The following ADAT3 variants were observed in gnomAD, a reference collection of about 807,000 sequenced individuals.
ADAT3 encodes adenosine deaminase tRNA specific 3, also known as tRNA-specific adenosine-34 deaminase regulatory subunit ADAT3.
ADAT3 carries 2 observed loss-of-function variants against 3.5 expected under a neutral mutation model. The observed-to-expected ratio is 0.57, with a 90% CI of 0.23 to 1.79. The LOEUF is 1.79. ADAT3 is among the 40% of genes most tolerant of loss of function. The probability of loss-of-function intolerance (pLI) is 0.18; values close to 1 mark genes in which losing one functional copy is unlikely to be tolerated. For synonymous variants in ADAT3, 358 were observed against 270.3 expected (o/e 1.32, Z -3.18); for missense variants, 735 against 571.4 (o/e 1.29, Z -2.92).
chr19:1,912,123 C>T lies in ADAT3; in HGVS notation c.76C>T (p.Gln26Ter). Residue 26 changes from glutamine (Q) to a stop codon, truncating the protein, a stop_gained, in exon 2 of 2, where the codon CAG becomes TAG. Coordinates refer to ENST00000329478, the MANE Select transcript of ADAT3 (RefSeq NM_138422.4). LOFTEE classifies it low-confidence loss of function (END_TRUNC). ...RMEPAPGLVE[Q>*]PKCLEAGSPE... ...GGAGCCCGCCCCGGGCCTCGTGGAG[C>T]AGCCCAAGTGCTTGGAGGCCGGGAG... 2 of 1,543,360 alleles carry T rather than the reference C, an allele frequency of 1.3e-6. No homozygotes were observed. The highest frequency in any genetic ancestry group is 1.2e-5 in the South Asian group (1 of 83,228).
In ADAT3 at chr19:1,908,701, C is replaced by T. The variant is rs1568760451; in HGVS notation, c.-158-3189C>T. The T allele has an allele frequency of 2.5e-6, 1 of 399,994 alleles. No individual in the cohort carries two copies. The highest frequency in any genetic ancestry group is 1.9e-5 in the South Asian group (1 of 53,410). The allele number at this position is 399,994 out of a possible 1,614,324, so 24.8% of individuals were successfully genotyped here. A position where few individuals can be genotyped will look rare whatever the true frequency, so the allele number is the denominator to read the frequency against. Reference sequence around the variant, plus strand: ...GAAAAAAGGAACAGGGTCTCTCTATCTTGCCCACGTTGGTCTCAAACTCCT... The same window carrying T: ...GAAAAAAGGAACAGGGTCTCTCTATTTTGCCCACGTTGGTCTCAAACTCCT... On this transcript the variant is annotated intron_variant, in intron 1 of 1. Transcript: ENST00000329478. The surrounding 1 kb of genome is among the most constrained non-coding windows in gnomAD (Gnocchi z 4.2).
At chr19:1,906,880 G>A in intron 1 of ADAT3, 1 of 145,092 alleles carries the variant, frequency 6.9e-6, no homozygotes, top group Non-Finnish European at 1.5e-5. Context: ...GTGTGTGTGT[G>A]TGTGTGTGTA....
chr19:1,911,084 C>T (rs2013419303), intron 1 of ADAT3, among the ~76,000 whole-genome samples: 1 of 151,994 alleles, frequency 6.6e-6, no homozygotes, highest in African/African-American at 2.4e-5. Context: ...ACCGTGTTAG[C>T]CAGGATGGTC....
Position 1,912,209 on chromosome 19 carries a change from G to A in ADAT3, c.162G>A (p.Gly54=). 1 of 1,590,992 alleles carries A rather than the reference G, an allele frequency of 6.3e-7. No individual in the cohort carries two copies. Among genetic ancestry groups the A allele is most frequent in the Non-Finnish European group, 8.5e-7 (1 of 1,172,050 alleles). The part of the protein sequence containing the change: ...ALPVLSEKQS[G]DVELVLAYAA... ...CTGTCCTGTCCGAGAAGCAGTCAGGGGACGTGGAGCTGGTGCTGGCCTACG... is the reference window on the plus strand; with the variant it reads ...CTGTCCTGTCCGAGAAGCAGTCAGGAGACGTGGAGCTGGTGCTGGCCTACG... The change falls in exon 2 of 2, where the codon GGG becomes GGA. Residue 54 remains glycine (G), a synonymous_variant. Coordinates refer to ENST00000329478, the MANE Select transcript of ADAT3 (RefSeq NM_138422.4).
In ADAT3 at chr19:1,911,951, C is replaced by G. The variant is rs2013473425; in HGVS notation, c.-97C>G. The G allele has an allele frequency of 2.2e-6, 3 of 1,389,456 alleles. No individual in the cohort carries two copies. Among genetic ancestry groups the G allele is most frequent in the Non-Finnish European group, 1.9e-6 (2 of 1,074,272 alleles). The allele number at this position is 1,389,456 out of a possible 1,614,324, so 86.1% of individuals were successfully genotyped here. ...GGTGACCTGGGCCGGAGCCCTCGGACTAGCCTCAGCTTTGGTGGCAGCACG... is the reference window on the plus strand; with the variant it reads ...GGTGACCTGGGCCGGAGCCCTCGGAGTAGCCTCAGCTTTGGTGGCAGCACG... On this transcript the variant is annotated 5_prime_UTR_variant, in exon 2 of 2. Coordinates refer to ENST00000329478, the MANE Select transcript of ADAT3 (RefSeq NM_138422.4).
rs2013046661 is a variant in ADAT3 at position 1,905,424 on chromosome 19, C to G, written c.-174C>G. ...AAGACTTGGCGAAGCGCTGCGCTCG[C>G]GCCCGGATCCCTCAGGTAAGCGCGC... On this transcript the variant is annotated 5_prime_UTR_variant, in exon 1 of 2. Transcript: ENST00000329478. The G allele has an allele frequency of 2.2e-6, 1 of 463,230 alleles. No homozygotes were observed. The highest frequency in any genetic ancestry group is 2.0e-5 in the African/African-American group (1 of 49,154). The allele number at this position is 463,230 out of a possible 1,614,324, so 28.7% of individuals were successfully genotyped here. A position where few individuals can be genotyped will look rare whatever the true frequency, so the allele number is the denominator to read the frequency against.
In ADAT3 at chr19:1,912,859, C is replaced by T; in HGVS notation, c.812C>T (p.Ala271Val). The T allele has an allele frequency of 1.3e-6, 2 of 1,598,774 alleles. No individual in the cohort carries two copies. The highest frequency in any genetic ancestry group is 1.7e-6 in the Non-Finnish European group (2 of 1,177,306). ...PFPACSFAPAAAPQAVRAGAV... is the reference protein window; with the variant it reads ...PFPACSFAPAVAPQAVRAGAV... ...CCCGCCTGCTCCTTCGCCCCGGCCG[C>T]TGCCCCCCAGGCCGTCCGCGCAGGC... The change falls in exon 2 of 2, where the codon GCT (alanine) becomes GTT (valine). Residue 271 changes from alanine to valine, a missense_variant. Transcript: ENST00000329478.
chr19:1,911,029 C>G (rs1466755468), intron 1 of ADAT3, among the ~76,000 whole-genome samples: 1 of 152,104 alleles, frequency 6.6e-6, no homozygotes, highest in Admixed American at 6.6e-5. Context: ...GTGCGTGCCA[C>G]CAGGCCTGGC....
chr19:1,912,365 G>C lies in ADAT3; in HGVS notation c.318G>C (p.Leu106=), dbSNP rs893889283. The change falls in exon 2 of 2, where the codon CTG becomes CTC. Residue 106 remains leucine, a synonymous_variant. Transcript: ENST00000329478. ...GCGATGCCGGCAGCCCCCACGCCCT[G>C]GAGATGCTGCTTTGCCTGGCTGGGC... ...PSRDAGSPHA[L]EMLLCLAGPA... 1 of 1,527,094 alleles carries C rather than the reference G, an allele frequency of 6.5e-7. No individual in the cohort carries two copies. The highest frequency in any genetic ancestry group is 1.4e-5 in the African/African-American group (1 of 70,150). 94.6% of individuals were successfully genotyped at this position (1,527,094 alleles called of 1,614,324 possible).
At chr19:1,910,452 GAC>G (rs2013382545) in intron 1 of ADAT3, among the ~76,000 whole-genome samples, 1 of 152,110 alleles carries the variant, frequency 6.6e-6, no homozygotes, top group South Asian at 2.1e-4. Flanking sequence ...AGGGTGGTGA[GAC>G]AAGTTTTCTC....
At chr19:1,907,727 G>A (rs540470672) in intron 1 of ADAT3, among the ~76,000 whole-genome samples, 1 of 152,268 alleles carries the variant, frequency 6.6e-6, no homozygotes, top group South Asian at 2.1e-4. Context: ...CCTGGGACCT[G>A]GGCTGCCTGC....
In ADAT3 at chr19:1,912,830, C is replaced by T. The variant is rs1253950644; in HGVS notation, c.783C>T (p.Pro261=). 2 of 1,591,792 alleles carry T rather than the reference C, an allele frequency of 1.3e-6. No homozygotes were observed. The highest frequency in any genetic ancestry group is 1.3e-5 in the African/African-American group (1 of 74,532). ...GQGRGTYDFR[P]FPACSFAPAA... Reference sequence around the variant, plus strand: ...GCCGCGGCACCTACGACTTCAGACCCTTCCCCGCCTGCTCCTTCGCCCCGG... The same window carrying T: ...GCCGCGGCACCTACGACTTCAGACCTTTCCCCGCCTGCTCCTTCGCCCCGG... The change falls in exon 2 of 2, where the codon CCC becomes CCT. Residue 261 remains proline (P), a synonymous_variant. Coordinates refer to ENST00000329478, the MANE Select transcript of ADAT3 (RefSeq NM_138422.4).
At chr19:1,905,946 A>G (rs916247597) in intron 1 of ADAT3, 1 of 152,122 alleles carries the variant, frequency 6.6e-6, no homozygotes, top group African/African-American at 2.4e-5. Context: ...TGAGTTTTTC[A>G]GGTTTTTGTA....
At chr19:1,909,097 T>G (rs1450527793) in intron 1 of ADAT3, among the ~76,000 whole-genome samples, 1 of 144,018 alleles carries the variant, frequency 6.9e-6, no homozygotes. Context: ...AGAGTGAGAC[T>G]CTGTCTGAAA....
At chr19:1,911,811 A>G in intron 1 of ADAT3, 79 bp from the exon 2 acceptor site, 1 of 424,378 alleles carries the variant, frequency 2.4e-6, no homozygotes, top group Non-Finnish European at 4.0e-6. Flanking sequence ...AAAAAAAAAG[A>G]AAATGATCTG....
Position 1,913,183 on chromosome 19 carries a change from C to T in ADAT3, c.*32C>T. On this transcript the variant is annotated 3_prime_UTR_variant, in exon 2 of 2. Coordinates refer to ENST00000329478, the MANE Select transcript of ADAT3 (RefSeq NM_138422.4). ...CCCTCCTGCCTCCGGACCCTTCCCGCTCCCGGCCGTGGGGCGCCCCTCCTG... is the reference window on the plus strand; with the variant it reads ...CCCTCCTGCCTCCGGACCCTTCCCGTTCCCGGCCGTGGGGCGCCCCTCCTG... 6.8e-7 allele frequency: 1 copy of T among 1,479,412 alleles called. No individual in the cohort carries two copies. Among genetic ancestry groups the T allele is most frequent in the Non-Finnish European group, 9.0e-7 (1 of 1,115,504 alleles). 91.6% of individuals were successfully genotyped at this position (1,479,412 alleles called of 1,614,324 possible).
intron 1 of ADAT3, among the ~76,000 whole-genome samples, chr19:1,909,478 C>T (rs1268053943): frequency 6.6e-6 from 1 of 152,138 alleles, no homozygotes; most frequent in African/African-American, 2.4e-5. Context: ...ATGGTAATGG[C>T]TCTACTATCT....
At chr19:1,909,410 C>A (rs527775732) in intron 1 of ADAT3, among the ~76,000 whole-genome samples, 1 of 152,332 alleles carries the variant, frequency 6.6e-6, no homozygotes, top group South Asian at 2.1e-4. Flanking sequence ...CCCCACCAGC[C>A]CTTCCTCTCC....
chr19:1,905,518 T>A (rs2013055836), intron 1 of ADAT3, 79 bp downstream of exon 1: 1 of 365,652 alleles, frequency 2.7e-6, no homozygotes, highest in Non-Finnish European at 6.0e-6. Flanking sequence ...ACATGGGGGG[T>A]CTCGGCGGTG....
Sources: gnomAD v4.1 joint callset for allele counts (sites outside exome capture counted in the v4.1 genomes callset) on GRCh38, gnomAD v4.1.1 for gene constraint, Gnocchi (gnomAD v3.1) non-coding constraint, MANE v1.5 for transcripts, NCBI Gene and HGNC (gene_info 2026-07-23, HGNC 2026-07-21) for gene names.